The following SAP130 variants were observed in gnomAD, a reference collection of about 807,000 sequenced individuals.
SAP130 encodes the protein Sin3A associated protein 130, also known as histone deacetylase complex subunit SAP130.
Under a neutral mutation model 103.2 loss-of-function variants are expected in SAP130, and 16 were observed. That is an observed-to-expected ratio of 0.16 (90% CI 0.10 to 0.24). SAP130 has a LOEUF of 0.24. Ranked by LOEUF, SAP130 falls within the 10% of genes least tolerant of loss-of-function variation. SAP130 has a pLI of 1.00. For synonymous variants in SAP130, 477 were observed against 497.0 expected (o/e 0.96, Z 0.53); for missense variants, 990 against 1,359.7 (o/e 0.73, Z 4.28).
Position 128,020,633 on chromosome 2 carries a change from A to G in SAP130, c.113-2718T>C, listed in dbSNP as rs559713870. 7.0e-4 allele frequency among the ~76,000 whole-genome samples: 107 copies of G among 152,336 alleles called. 1 individual carries two copies. The highest frequency in any genetic ancestry group is 2.5e-3 in the African/African-American group (102 of 41,582). The stretch of plus-strand genomic sequence containing the variant: ...TTCTTGTACGTGTCTTTTGGTGAAC[A>G]TATGTACCACTTCTACTCAATATAT... On this transcript the variant is annotated intron_variant, in intron 2 of 20. Coordinates refer to ENST00000643581, the MANE Select transcript of SAP130 (RefSeq NM_001330301.2).
At chr2:127,958,663 AGAGAGAGAGAGAGAGAG>A (rs1442374816) in intron 15 of SAP130, among the ~76,000 whole-genome samples, 5 of 150,874 alleles carry the variant, frequency 3.3e-5, no homozygotes, top group Non-Finnish European at 5.9e-5. Context: ...AGAGAGAGAG[AGAGAGAGAGAGAGAGAG>A]AGAGAATCTC....
At chr2:128,025,743 T>C (rs902562180) in intron 2 of SAP130, among the ~76,000 whole-genome samples, 5 of 152,184 alleles carry the variant, frequency 3.3e-5, no homozygotes, top group African/African-American at 1.2e-4. Context: ...ATCATGGATT[T>C]TGGTATCTAA....
intron 15 of SAP130, among the ~76,000 whole-genome samples, chr2:127,960,133 T>C (rs1680137209): frequency 6.6e-6 from 1 of 151,942 alleles, no homozygotes; most frequent in East Asian, 1.9e-4. Context: ...GACTGAAGAG[T>C]GTGGATAGAA....
intron 7 of SAP130, among the ~76,000 whole-genome samples, chr2:128,006,996 T>C (rs973316559): frequency 5.3e-5 from 8 of 152,250 alleles, no homozygotes; most frequent in Admixed American, 2.6e-4. Flanking sequence ...TTGTAGTATA[T>C]TGCTAGTGTT....
At chr2:128,016,648 G>A in intron 3 of SAP130, 101 bp from the exon 4 acceptor site, 5 of 1,292,568 alleles carry the variant, frequency 3.9e-6, no homozygotes, top group Non-Finnish European at 5.3e-6. Flanking sequence ...GAAAGTGCCA[G>A]GAAAGATGCC....
Position 128,013,528 on chromosome 2 carries a change from C to T in SAP130, c.620-374G>A, listed in dbSNP as rs545382717. On this transcript the variant is annotated intron_variant, in intron 5 of 20. Coordinates refer to ENST00000643581, the MANE Select transcript of SAP130 (RefSeq NM_001330301.2). Reference sequence around the variant, plus strand: ...GCAGACGTCGACATTGCCAAAGGGACACATTATGAACCTTAACCTTAAACC... The same window carrying T: ...GCAGACGTCGACATTGCCAAAGGGATACATTATGAACCTTAACCTTAAACC... 1.9e-4 allele frequency among the ~76,000 whole-genome samples: 29 copies of T among 152,246 alleles called. No homozygotes were observed. The South Asian group carries it at 5.0e-3, about 26-fold the overall frequency.
At chr2:128,009,238 G>A (rs949093509) in intron 7 of SAP130, among the ~76,000 whole-genome samples, 12 of 152,102 alleles carry the variant, frequency 7.9e-5, no homozygotes, top group Admixed American at 6.5e-4. Flanking sequence ...CACTTAGGGC[G>A]ATGCGAGGAT....
At chr2:128,027,919 G>A in intron 1 of SAP130, 21 bp downstream of exon 1, 2 of 982,114 alleles carry the variant, frequency 2.0e-6, no homozygotes, top group Non-Finnish European at 2.4e-6. Context: ...CTTCCCTCCC[G>A]GGCGCCCGTC....
chr2:127,982,574 T>G (rs140226255), intron 14 of SAP130, among the ~76,000 whole-genome samples: 75 of 152,196 alleles, frequency 4.9e-4, no homozygotes, highest in Non-Finnish European at 7.9e-4. Context: ...AAACGTAAAA[T>G]AGTTATCTGG....
At position 127,989,573 on chromosome 2, in the gene SAP130, T is replaced by G; in HGVS notation, c.1771A>C (p.Lys591Gln). Reference protein sequence around the residue: ...MGTQQPQPEGKTSAVVLADGA... With the variant: ...MGTQQPQPEGQTSAVVLADGA... ...AAAAATTTAAAATTACCTGAAGTCT[T>G]TCCTTCAGGCTGAGGCTGCTGAGTA... The change falls in exon 13 of 21, where the codon AAG (lysine) becomes CAG (glutamine). Residue 591 changes from lysine to glutamine, a missense_variant. This residue lies in a region of SAP130 where 349 missense variants were observed against 384.1 expected (regional missense o/e 0.91). Coordinates refer to ENST00000643581, the MANE Select transcript of SAP130 (RefSeq NM_001330301.2). This position sits in a 1 kb window ranked among gnomAD's most constrained non-coding sequence, Gnocchi z 4.6. 1 of 1,600,824 alleles carries G rather than the reference T, an allele frequency of 6.2e-7. No homozygotes were observed. Among genetic ancestry groups the G allele is most frequent in the African/African-American group, 1.3e-5 (1 of 74,570 alleles).
At position 127,955,201 on chromosome 2, in the gene SAP130, A is replaced by G. The variant is rs1227620185; in HGVS notation, c.2207T>C (p.Met736Thr). 12 of 1,613,938 alleles carry G rather than the reference A, an allele frequency of 7.4e-6. No homozygotes were observed. The highest frequency in any genetic ancestry group is 1.1e-5 in the South Asian group (1 of 91,080). ...TGACGGGGGACTGGCTGCTGCAATC[A>G]TAGTTGGAATGGTCGGTGGGGGCTG... ...AQQPPPTIPT[M>T]IAAASPPSQP... is the part of the protein sequence containing the mutation. The change falls in exon 16 of 21, where the codon ATG becomes ACG. Residue 736 changes from methionine to threonine, a missense_variant. Transcript: ENST00000643581. This position sits in a 1 kb window ranked among gnomAD's most constrained non-coding sequence, Gnocchi z 4.9.
intron 1 of SAP130, chr2:128,027,121 C>T: frequency 7.1e-7 from 1 of 1,404,648 alleles, no homozygotes; most frequent in Non-Finnish European, 9.4e-7. Flanking sequence ...CCCGCACCGC[C>T]CGCTTCTATC....
chr2:127,961,517 CTTT>C (rs10709267), intron 15 of SAP130, among the ~76,000 whole-genome samples: 96 of 129,304 alleles, frequency 7.4e-4, no homozygotes, highest in Admixed American at 9.4e-4. Context: ...TCATACCTTG[CTTT>C]TTTTTTTTTT....
At chr2:127,980,881 A>G (rs1393607398) in intron 14 of SAP130, among the ~76,000 whole-genome samples, 1 of 129,972 alleles carries the variant, frequency 7.7e-6, no homozygotes, top group African/African-American at 2.8e-5. Flanking sequence ...TGGGAGACAG[A>G]GTGAGACCCC....
Position 128,017,771 on chromosome 2 carries a change from G to A in SAP130, c.257C>T (p.Ala86Val), listed in dbSNP as rs1684875625. ...PQVQMLSTHHAVASATPVAVT... is the reference protein window; with the variant it reads ...PQVQMLSTHHVVASATPVAVT... The stretch of plus-strand genomic sequence containing the variant: ...TGCAACAGGTGTGGCTGATGCGACA[G>A]CATGGTGTGTCGACAACATCTGCAC... The change falls in exon 3 of 21, where the codon GCT (alanine) becomes GTT (valine). Residue 86 changes from alanine (A) to valine (V), a missense_variant. Around this residue, in one of 6 missense-constraint regions of SAP130, gnomAD observed 167 missense variants for 187.4 expected, o/e 0.89. Transcript: ENST00000643581. 1 of 1,614,216 alleles carries A rather than the reference G, an allele frequency of 6.2e-7. No individual in the cohort carries two copies. The highest frequency in any genetic ancestry group is 1.3e-5 in the African/African-American group (1 of 75,052).
intron 5 of SAP130, 63 bp from the exon 6 acceptor site, chr2:128,013,217 AT>A (rs1435632387): frequency 1.2e-5 from 17 of 1,447,164 alleles, no homozygotes; most frequent in Non-Finnish European, 1.6e-5. Context: ...AATAATCAGT[AT>A]GTTTCCCAAA....
At chr2:128,019,478 G>A (rs1685006302) in intron 2 of SAP130, among the ~76,000 whole-genome samples, 1 of 152,112 alleles carries the variant, frequency 6.6e-6, no homozygotes, top group South Asian at 2.1e-4. Context: ...TATGTTGCCT[G>A]GTCTGGTCTT....
At chr2:128,018,459 T>TGG (rs1239052954) in intron 2 of SAP130, among the ~76,000 whole-genome samples, 1 of 110,104 alleles carries the variant, frequency 9.1e-6, no homozygotes, top group Non-Finnish European at 1.7e-5. Context: ...CACTCTAGCC[T>TGG]GGGCGAGAGA....
At chr2:127,971,839 GTCAACA>G (rs1423444238) in intron 15 of SAP130, among the ~76,000 whole-genome samples, 2 of 152,140 alleles carry the variant, frequency 1.3e-5, no homozygotes, top group African/African-American at 4.8e-5. Flanking sequence ...TCTGTCCCCT[GTCAACA>G]TCTTTTGGTC....
Sources: gnomAD v4.1 joint callset for allele counts (sites outside exome capture counted in the v4.1 genomes callset) on GRCh38, gnomAD v4.1.1 for gene constraint, gnomAD v4.1.1 regional missense constraint, Gnocchi (gnomAD v3.1) non-coding constraint, MANE v1.5 for transcripts, NCBI Gene and HGNC (gene_info 2026-07-23, HGNC 2026-07-21) for gene names.